CDYL2: variants seen among roughly 807,000 people sequenced by gnomAD.
CDYL2 encodes chromodomain Y-like protein 2.
In CDYL2, 23 loss-of-function variants were observed where a neutral mutation model predicts 49.4. The observed-to-expected ratio is 0.47, with a 90% CI of 0.34 to 0.66. The LOEUF is 0.66. Ranked by LOEUF, CDYL2 falls within the 30% of genes least tolerant of loss-of-function variation. CDYL2 has a pLI of 0.01. For missense variants in CDYL2, 678 were observed against 656.4 expected (o/e 1.03, Z -0.36); for synonymous variants, 360 against 268.8 (o/e 1.34, Z -3.32).
intron 2 of CDYL2, among the ~76,000 whole-genome samples, chr16:80,634,038 C>T (rs60596417): frequency 0.22 from 32,663 of 151,068 alleles, 4,687 homozygotes; most frequent in African/African-American, 0.38. Flanking sequence ...TAGGAAGAGG[C>T]TCAAATGTGT....
At chr16:80,634,158 T>C (rs73583639) in intron 2 of CDYL2, among the ~76,000 whole-genome samples, 8,020 of 152,098 alleles carry the variant, frequency 0.053, 634 homozygotes, top group African/African-American at 0.17. Context: ...GGCATCACTA[T>C]TGATCTTATA....
intron 1 of CDYL2, among the ~76,000 whole-genome samples, chr16:80,712,425 G>C (rs1436134959): frequency 2.0e-5 from 3 of 151,766 alleles, no homozygotes; most frequent in South Asian, 4.2e-4. Context: ...AACATTGCTG[G>C]TCCCTGGCTG....
chr16:80,662,826 T>C (rs1909102455), intron 2 of CDYL2: 2 of 449,552 alleles, frequency 4.4e-6, no homozygotes, highest in East Asian at 7.0e-5. Context: ...TTCCACATCT[T>C]GACAAGGATT....
At chr16:80,746,106 A>G (rs1302371645) in intron 1 of CDYL2, among the ~76,000 whole-genome samples, 6 of 152,138 alleles carry the variant, frequency 3.9e-5, no homozygotes, top group Non-Finnish European at 5.9e-5. Flanking sequence ...TCTGTTCCCG[A>G]GACCTTCCTT....
rs1200936320 is a variant in CDYL2 at position 80,682,780 on chromosome 16, A to T, written c.616+1758T>A. 3.9e-5 allele frequency among the ~76,000 whole-genome samples: 6 copies of T among 152,268 alleles called. No individual in the cohort carries two copies. In the East Asian group the frequency reaches 1.2e-3, roughly 29 times the overall value. On this transcript the variant is annotated intron_variant, in intron 2 of 6. Transcript: ENST00000570137. ...CGCCAGCAGCCGTCACAGCAACATC[A>T]AACACGGGTGTTTATGCCAAGCCCC...
intron 1 of CDYL2, among the ~76,000 whole-genome samples, chr16:80,738,037 G>A (rs1905599160): frequency 2.8e-5 from 4 of 141,952 alleles, no homozygotes; most frequent in Admixed American, 1.5e-4. Flanking sequence ...CCCCCCGACA[G>A]GCCCCATGTG....
intron 1 of CDYL2, among the ~76,000 whole-genome samples, chr16:80,697,757 T>C (rs528589557): frequency 6.6e-6 from 1 of 152,066 alleles, no homozygotes; most frequent in African/African-American, 2.4e-5. Flanking sequence ...CACATTTCTA[T>C]ACAATCGTAA....
intron 1 of CDYL2, among the ~76,000 whole-genome samples, chr16:80,702,576 C>T (rs1022217018): frequency 6.6e-6 from 1 of 152,106 alleles, no homozygotes; most frequent in Non-Finnish European, 1.5e-5. Context: ...AGAGTGACAA[C>T]CCATCTCTAC....
intron 1 of CDYL2, among the ~76,000 whole-genome samples, chr16:80,727,043 G>A (rs970234949): frequency 6.6e-6 from 1 of 152,232 alleles, no homozygotes; most frequent in Non-Finnish European, 1.5e-5. Flanking sequence ...CCATGACTGT[G>A]CCTGGGCAAG....
intron 4 of CDYL2, among the ~76,000 whole-genome samples, chr16:80,616,361 G>C (rs1906826672): frequency 6.6e-6 from 1 of 152,164 alleles, no homozygotes; most frequent in Admixed American, 6.5e-5. Flanking sequence ...CTATTATTAT[G>C]GGTAGTGCAT....
At chr16:80,712,556 G>C (rs571915406) in intron 1 of CDYL2, among the ~76,000 whole-genome samples, 2 of 152,164 alleles carry the variant, frequency 1.3e-5, no homozygotes, top group South Asian at 2.1e-4. Context: ...GATGGGGCAG[G>C]GGCGTCTCCT....
At chr16:80,777,006 G>A (rs1013443679) in intron 1 of CDYL2, among the ~76,000 whole-genome samples, 1 of 151,644 alleles carries the variant, frequency 6.6e-6, no homozygotes, top group African/African-American at 2.4e-5. Context: ...TTTTTTAATA[G>A]GGACGGGGTT....
At chr16:80,727,205 AG>A (rs1468230906) in intron 1 of CDYL2, among the ~76,000 whole-genome samples, 9 of 152,228 alleles carry the variant, frequency 5.9e-5, no homozygotes, top group African/African-American at 2.2e-4. Context: ...CTCACTAGGG[AG>A]TGCCAGACAG....
At chr16:80,735,123 G>C (rs953435945) in intron 1 of CDYL2, 1 of 152,188 alleles carries the variant, frequency 6.6e-6, no homozygotes, top group African/African-American at 2.4e-5. Flanking sequence ...CCTCAAGGGT[G>C]AGAACTTCTC....
chr16:80,640,243 T>C (rs959736050), intron 2 of CDYL2, among the ~76,000 whole-genome samples: 1 of 150,884 alleles, frequency 6.6e-6, no homozygotes, highest in African/African-American at 2.4e-5. Context: ...GAGAGAAGAG[T>C]AGGGAGGACT....
At chr16:80,674,425 T>G (rs537766702) in intron 2 of CDYL2, among the ~76,000 whole-genome samples, 144 of 109,482 alleles carry the variant, frequency 1.3e-3, no homozygotes, top group African/African-American at 3.6e-3. Flanking sequence ...CTTTTTCTTC[T>G]CCTTTTTTTT....
intron 1 of CDYL2, among the ~76,000 whole-genome samples, chr16:80,789,293 A>T (rs1907534377): frequency 6.6e-6 from 1 of 152,172 alleles, no homozygotes; most frequent in African/African-American, 2.4e-5. Context: ...AAGGAAAAGA[A>T]ATCATTATAT....
intron 1 of CDYL2, among the ~76,000 whole-genome samples, chr16:80,692,232 T>C (rs1048760896): frequency 2.0e-5 from 3 of 152,230 alleles, no homozygotes; most frequent in African/African-American, 7.2e-5. Flanking sequence ...ACTTTATTTC[T>C]ATCCATGCAA....
chr16:80,614,040 T>C (rs1906717919), intron 4 of CDYL2, among the ~76,000 whole-genome samples: 1 of 152,174 alleles, frequency 6.6e-6, no homozygotes, highest in African/African-American at 2.4e-5. Context: ...GGATTCTTCT[T>C]CCCCTTTAGC....
Sources: gnomAD v4.1 joint callset for allele counts (sites outside exome capture counted in the v4.1 genomes callset) on GRCh38, gnomAD v4.1.1 for gene constraint, MANE v1.5 for transcripts, NCBI Gene and HGNC (gene_info 2026-07-23, HGNC 2026-07-21) for gene names.